SCN10A: variants seen among roughly 807,000 people sequenced by gnomAD.
SCN10A encodes sodium voltage-gated channel alpha subunit 10, also known as sodium channel protein type 10 subunit alpha.
SCN10A carries 162 observed loss-of-function variants against 170.7 expected under a neutral mutation model. The ratio of observed to expected loss-of-function variants is 0.95; its 90% confidence interval spans 0.84 to 1.08. SCN10A has a LOEUF of 1.08. SCN10A is among the 50% of genes least tolerant of loss of function. The probability of loss-of-function intolerance (pLI) is 0.00; values close to 1 mark genes in which losing one functional copy is unlikely to be tolerated. For missense variants in SCN10A, 2,527 were observed against 2,436.9 expected (o/e 1.04, Z -0.78); for synonymous variants, 985 against 904.6 (o/e 1.09, Z -1.59).
intron 21 of SCN10A, among the ~76,000 whole-genome samples, chr3:38,714,658 A>G (rs891179844): frequency 1.3e-5 from 2 of 152,178 alleles, no homozygotes; most frequent in African/African-American, 4.8e-5. Context: ...GACTAAGAGA[A>G]TTCCAAAGTT....
chr3:38,720,065 T>G (rs776343691), intron 20 of SCN10A, among the ~76,000 whole-genome samples: 9 of 152,236 alleles, frequency 5.9e-5, no homozygotes, highest in Non-Finnish European at 1.3e-4. Context: ...GGACAGCTCT[T>G]TGGTGTCCTT....
chr3:38,760,906 A>G (rs1384809711), intron 7 of SCN10A, among the ~76,000 whole-genome samples, 159 bp from the exon 8 acceptor site: 1 of 152,222 alleles, frequency 6.6e-6, no homozygotes, highest in Non-Finnish European at 1.5e-5. Context: ...GTAAAGTCAC[A>G]TCTGAAAAGA....
rs774474141 is a variant in SCN10A at position 38,697,913 on chromosome 3, G to A, written c.5307C>T (p.Asp1769=). 1 of 1,614,138 alleles carries A rather than the reference G, an allele frequency of 6.2e-7. No homozygotes were observed. The highest frequency in any genetic ancestry group is 1.1e-5 in the South Asian group (1 of 91,070). ...ITFSALSDFA[D]TLSGPLRIPK... is the part of the protein sequence containing the mutation. ...GGATTCTCAGGGGACCAGAGAGAGT[G>A]TCTGCAAAGTCCGAGAGAGCAGAAA... The change falls in exon 28 of 28, where the codon GAC becomes GAT. Residue 1769 remains aspartate (D), a synonymous_variant. Coordinates refer to ENST00000449082, the MANE Select transcript of SCN10A (RefSeq NM_006514.4).
intron 1 of SCN10A, among the ~76,000 whole-genome samples, chr3:38,801,770 A>T (rs999771237): frequency 3.3e-5 from 5 of 152,288 alleles, no homozygotes; most frequent in Middle Eastern, 3.4e-3. Flanking sequence ...CCAGAACTTA[A>T]TTAGTAAGCA....
chr3:38,720,823 A>G (rs2063382254), intron 20 of SCN10A, among the ~76,000 whole-genome samples: 1 of 152,220 alleles, frequency 6.6e-6, no homozygotes, highest in African/African-American at 2.4e-5. Context: ...CACCTGGCCA[A>G]CAGCACATGT....
chr3:38,760,835 T>G, intron 7 of SCN10A, 88 bp from the exon 8 acceptor site: 3 of 1,098,104 alleles, frequency 2.7e-6, no homozygotes, highest in Non-Finnish European at 4.1e-6. Context: ...TTCCCAAGTC[T>G]TCCAAAGTGA....
At chr3:38,752,951 T>C (rs1398165248) in intron 11 of SCN10A, among the ~76,000 whole-genome samples, 1 of 152,224 alleles carries the variant, frequency 6.6e-6, no homozygotes, top group African/African-American at 2.4e-5. Context: ...GGTTGTTGAA[T>C]GAATAAGTGC....
At position 38,698,455 on chromosome 3, in the gene SCN10A, C is replaced by A. The variant is rs1432630045; in HGVS notation, c.4765G>T (p.Ala1589Ser). Reference protein sequence around the residue: ...RIGRILRLIRAAKGIRTLLFA... With the variant: ...RIGRILRLIRSAKGIRTLLFA... ...AGCAGTGTGCGGATCCCCTTGGCCG[C>A]TCGGATCAGTCTGAGGATGCGGCCA... is the stretch of plus-strand genomic sequence containing the variant. Residue 1589 changes from alanine (A) to serine (S), a missense_variant, in exon 28 of 28, where the codon GCG (alanine) becomes TCG (serine). By Grantham distance (99) the Ala-to-Ser change is moderately conservative (BLOSUM62 1). Transcript: ENST00000449082. 2.5e-6 allele frequency: 4 copies of A among 1,614,190 alleles called. No homozygotes were observed.
chr3:38,773,736 G>A (rs2064037529), intron 4 of SCN10A, among the ~76,000 whole-genome samples: 1 of 152,164 alleles, frequency 6.6e-6, no homozygotes, highest in South Asian at 2.1e-4. Context: ...AATTATATAT[G>A]TAGTCATACA....
At position 38,792,071 on chromosome 3, in the gene SCN10A, G is replaced by C. The variant is rs537640516; in HGVS notation, c.368C>G (p.Ala123Gly). 5 of 1,613,704 alleles carry C rather than the reference G, an allele frequency of 3.1e-6. No individual in the cohort carries two copies. Among genetic ancestry groups the C allele is most frequent in the Non-Finnish European group, 4.2e-6 (5 of 1,179,750 alleles). The part of the protein sequence containing the change: ...FSPFNLIRRT[A>G]IKVSVHSWFS... ...ATATGAGTGGACAGACACTTTGATG[G>C]CCGTTCTTCTGATCAGGTTGAAAGG... The change falls in exon 3 of 28, where the codon GCC (alanine) becomes GGC (glycine). Residue 123 changes from alanine to glycine, a missense_variant. Coordinates refer to ENST00000449082, the MANE Select transcript of SCN10A (RefSeq NM_006514.4).
At chr3:38,771,453 T>G in intron 4 of SCN10A, 46 bp from the exon 5 acceptor site, 1 of 1,602,672 alleles carries the variant, frequency 6.2e-7, no homozygotes, top group Non-Finnish European at 8.5e-7. Flanking sequence ...CCATGGAGTG[T>G]ACTCAGGGGG....
At chr3:38,797,193 T>C (rs1212082800) in intron 1 of SCN10A, among the ~76,000 whole-genome samples, 2 of 151,982 alleles carry the variant, frequency 1.3e-5, no homozygotes, top group African/African-American at 2.4e-5. Flanking sequence ...GCTCCCACCA[T>C]ACCTAGAGGT....
At chr3:38,757,277 TA>T in intron 8 of SCN10A, 118 bp from the exon 9 acceptor site, 65 of 986,644 alleles carry the variant, frequency 6.6e-5, no homozygotes, top group South Asian at 2.2e-4. Context: ...GTCTTCCTCT[TA>T]TTAGCAGGAT....
chr3:38,768,452 A>C (rs980058715), intron 5 of SCN10A, among the ~76,000 whole-genome samples: 1 of 151,726 alleles, frequency 6.6e-6, no homozygotes, highest in Admixed American at 6.6e-5. Flanking sequence ...AAATTCTCTC[A>C]CCATTTGTTT....
intron 4 of SCN10A, among the ~76,000 whole-genome samples, chr3:38,784,954 TA>T (rs1208826656): frequency 6.6e-6 from 1 of 152,020 alleles, no homozygotes; most frequent in Non-Finnish European, 1.5e-5. Flanking sequence ...CAAGGAGAAC[TA>T]AAAATCACTG....
chr3:38,804,300 C>T (rs1260348873), intron 1 of SCN10A, among the ~76,000 whole-genome samples: 1 of 152,064 alleles, frequency 6.6e-6, no homozygotes, highest in Non-Finnish European at 1.5e-5. Flanking sequence ...TATTACCTTG[C>T]TAAAGAAGAC....
chr3:38,718,684 G>A lies in SCN10A; in HGVS notation c.3650C>T (p.Ala1217Val). 1.9e-6 allele frequency: 3 copies of A among 1,614,208 alleles called. No individual in the cohort carries two copies. Among genetic ancestry groups the A allele is most frequent in the Non-Finnish European group, 1.7e-6 (2 of 1,180,032 alleles). ...AATGAGGAAGTCCAGCCAGCACCAG[G>A]CATTGGTGAAGTACTTTTTGAAGCC... ...AYGFKKYFTN[A>V]WCWLDFLIVN... The change falls in exon 21 of 28, where the codon GCC (alanine) becomes GTC (valine). Residue 1217 changes from alanine to valine, a missense_variant. By Grantham distance (64) the Ala-to-Val change is moderately conservative. Transcript: ENST00000449082.
chr3:38,722,225 G>A (rs1198922274), intron 20 of SCN10A, 33 bp downstream of exon 20: 1 of 1,599,988 alleles, frequency 6.3e-7, no homozygotes, highest in East Asian at 2.2e-5. Flanking sequence ...CCTATCTGGA[G>A]GATTTGGGGG....
intron 20 of SCN10A, among the ~76,000 whole-genome samples, chr3:38,720,005 A>G (rs898385059): frequency 6.6e-6 from 1 of 152,244 alleles, no homozygotes; most frequent in Non-Finnish European, 1.5e-5. Context: ...GCCCTCAGCC[A>G]GGGACAGTGA....
Sources: allele counts gnomAD v4.1 joint callset (sites outside exome capture counted in the v4.1 genomes callset), GRCh38; gene constraint gnomAD v4.1.1; transcripts MANE v1.5; gene names NCBI Gene and HGNC (gene_info 2026-07-23, HGNC 2026-07-21).